Variants in CHRNA7 observed in about 807,000 individuals in gnomAD.
CHRNA7 encodes the protein cholinergic receptor nicotinic alpha 7 subunit, also known as neuronal acetylcholine receptor subunit alpha-7.
In CHRNA7, 17 loss-of-function variants were observed where a neutral mutation model predicts 48.0. That is an observed-to-expected ratio of 0.35 (90% CI 0.24 to 0.53). CHRNA7 has a LOEUF of 0.53. CHRNA7 is among the 20% of genes least tolerant of loss of function. The pLI, the probability that CHRNA7 is intolerant of heterozygous loss-of-function variation, is 0.92. For synonymous variants in CHRNA7, 75 were observed against 242.3 expected (o/e 0.31, Z 6.41); for missense variants, 155 against 577.7 (o/e 0.27, Z 7.50).
intron 3 of CHRNA7, among the ~76,000 whole-genome samples, chr15:32,110,729 G>T (rs2050749888): frequency 6.6e-6 from 1 of 152,036 alleles, no homozygotes; most frequent in Non-Finnish European, 1.5e-5. Flanking sequence ...AAATTATTTT[G>T]GTCTAAAATC....
Position 32,030,976 on chromosome 15 carries a change from C to A in CHRNA7, c.134C>A (p.Ala45Asp). Residue 45 changes from alanine (A) to aspartate (D), a missense_variant, in exon 2 of 10, where the codon GCC (alanine) becomes GAC (aspartate). By Grantham distance (126) the Ala-to-Asp change is moderately radical. Transcript: ENST00000306901. ...KNYNPLERPVANDSQPLTVYF... is the reference protein window; with the variant it reads ...KNYNPLERPVDNDSQPLTVYF... Reference sequence around the variant, plus strand: ...TACAATCCCTTGGAGAGGCCCGTGGCCAATGACTCGCAACCACTCACCGTC... The same window carrying A: ...TACAATCCCTTGGAGAGGCCCGTGGACAATGACTCGCAACCACTCACCGTC... 6.2e-7 allele frequency: 1 copy of A among 1,614,230 alleles called. No homozygotes were observed. Among genetic ancestry groups the A allele is most frequent in the African/African-American group, 1.3e-5 (1 of 75,070 alleles).
At chr15:32,072,576 T>G (rs1354868153) in intron 2 of CHRNA7, among the ~76,000 whole-genome samples, 1 of 152,188 alleles carries the variant, frequency 6.6e-6, no homozygotes, top group African/African-American at 2.4e-5. Context: ...CAGAAATCTT[T>G]GGGACAGAAG....
intron 4 of CHRNA7, among the ~76,000 whole-genome samples, chr15:32,116,189 G>C (rs1200575678): frequency 6.6e-6 from 1 of 152,224 alleles, no homozygotes; most frequent in Non-Finnish European, 1.5e-5. Flanking sequence ...TTTGAAAGCA[G>C]TGTTGATGTA....
chr15:32,136,855 C>T (rs945554560), intron 4 of CHRNA7, among the ~76,000 whole-genome samples: 5 of 123,644 alleles, frequency 4.0e-5, no homozygotes, highest in Admixed American at 2.5e-4. Context: ...CACGGTGAAA[C>T]CCCGTCTCTA....
intron 3 of CHRNA7, among the ~76,000 whole-genome samples, chr15:32,105,023 C>G (rs1271272030): frequency 6.6e-6 from 1 of 152,202 alleles, no homozygotes; most frequent in African/African-American, 2.4e-5. Flanking sequence ...AAAAATGTAA[C>G]TGGATTATTA....
At chr15:32,083,069 A>T (rs1246460439) in intron 2 of CHRNA7, among the ~76,000 whole-genome samples, 1 of 152,220 alleles carries the variant, frequency 6.6e-6, no homozygotes, top group Non-Finnish European at 1.5e-5. Flanking sequence ...TATAAAATAT[A>T]AATTAGGACA....
chr15:32,091,256 C>T (rs2050377275), intron 2 of CHRNA7, among the ~76,000 whole-genome samples: 1 of 152,144 alleles, frequency 6.6e-6, no homozygotes, highest in African/African-American at 2.4e-5. Flanking sequence ...CTCTCTTTCA[C>T]TCATGGAAAA....
chr15:32,093,523 C>T (rs1004157164), intron 2 of CHRNA7, among the ~76,000 whole-genome samples: 1 of 152,216 alleles, frequency 6.6e-6, no homozygotes, highest in Non-Finnish European at 1.5e-5. Context: ...CACACACAGG[C>T]AGCTGAACAC....
intron 4 of CHRNA7, among the ~76,000 whole-genome samples, chr15:32,137,262 G>A (rs574209673): frequency 2.6e-5 from 4 of 151,652 alleles, no homozygotes; most frequent in East Asian, 2.0e-4. Flanking sequence ...CCATATATAC[G>A]TAAAGGATGA....
intron 3 of CHRNA7, among the ~76,000 whole-genome samples, chr15:32,110,488 C>T (rs1489595064): frequency 6.6e-6 from 1 of 152,232 alleles, no homozygotes; most frequent in Non-Finnish European, 1.5e-5. Context: ...TGATGTCACT[C>T]ACCTGGATAG....
chr15:32,032,404 G>T (rs1211599233), intron 2 of CHRNA7, among the ~76,000 whole-genome samples: 1 of 152,010 alleles, frequency 6.6e-6, no homozygotes, highest in African/African-American at 2.4e-5. Flanking sequence ...CTGCTGTTAG[G>T]TAAGTTTCTT....
At chr15:32,071,660 A>G (rs1021674165) in intron 2 of CHRNA7, among the ~76,000 whole-genome samples, 5 of 152,126 alleles carry the variant, frequency 3.3e-5, no homozygotes, top group Admixed American at 2.6e-4. Flanking sequence ...GTTGTTCAAA[A>G]GAGCCTGGCA....
chr15:32,093,113 TC>T (rs1424074185), intron 2 of CHRNA7, among the ~76,000 whole-genome samples: 6 of 152,170 alleles, frequency 3.9e-5, no homozygotes, highest in Non-Finnish European at 8.8e-5. Context: ...TCCTTTCTGT[TC>T]AAGGGTAGTT....
intron 4 of CHRNA7, among the ~76,000 whole-genome samples, chr15:32,142,747 G>C (rs141085955): frequency 2.8e-4 from 42 of 152,224 alleles, no homozygotes; most frequent in Middle Eastern, 6.8e-3. Context: ...TTGTATTTCT[G>C]TGAGATCGGT....
rs2052367529 is a variant in CHRNA7, at chr15:32,170,157, A to AT, written c.*1699_*1700insT. 1.1e-5 allele frequency: 1 copy of AT among 88,706 alleles called. No individual in the cohort carries two copies. The highest frequency in any genetic ancestry group is 2.2e-5 in the Non-Finnish European group (1 of 45,546). 5.5% of individuals were successfully genotyped at this position (88,706 alleles called of 1,614,324 possible). On this transcript the variant is annotated 3_prime_UTR_variant, in exon 10 of 10. Transcript: ENST00000306901. ...AGGGAAGATTTGATTTTCAGAGTTA[A>AT]ATAAATTGTATGTGCTTTTCCAGCC...
At chr15:32,052,500 G>A (rs2049708134) in intron 2 of CHRNA7, among the ~76,000 whole-genome samples, 1 of 152,170 alleles carries the variant, frequency 6.6e-6, no homozygotes, top group South Asian at 2.1e-4. Context: ...GGAGGCCAAA[G>A]AGGGTAGATC....
chr15:32,067,008 A>G (rs934787374), intron 2 of CHRNA7, among the ~76,000 whole-genome samples: 2 of 152,224 alleles, frequency 1.3e-5, no homozygotes, highest in Non-Finnish European at 2.9e-5. Context: ...AAAAATGGGG[A>G]AAAATGAACT....
intron 2 of CHRNA7, among the ~76,000 whole-genome samples, chr15:32,050,866 A>G (rs905218907): frequency 2.0e-5 from 3 of 152,140 alleles, no homozygotes; most frequent in African/African-American, 7.2e-5. Flanking sequence ...CTTCTAACAG[A>G]CAGGACCCTC....
chr15:32,064,834 A>C (rs80265546), intron 2 of CHRNA7, among the ~76,000 whole-genome samples: 3,901 of 152,248 alleles, frequency 0.026, 160 homozygotes, highest in African/African-American at 0.09. Flanking sequence ...AGTCCTCCTC[A>C]TATTTCCTCT....
Sources: gnomAD v4.1 joint callset for allele counts (sites outside exome capture counted in the v4.1 genomes callset) on GRCh38, gnomAD v4.1.1 for gene constraint, MANE v1.5 for transcripts, NCBI Gene and HGNC (gene_info 2026-07-23, HGNC 2026-07-21) for gene names.